The following DENND1C variants were observed in gnomAD, a reference collection of about 807,000 sequenced individuals.
DENND1C encodes DENN domain-containing protein 1C.
In DENND1C, 64 loss-of-function variants were observed where a neutral mutation model predicts 87.9. The observed-to-expected ratio is 0.73, with a 90% CI of 0.60 to 0.90. The LOEUF (loss-of-function observed/expected upper bound fraction) is 0.90, where lower values mean the gene tolerates loss of function less well. Ranked by LOEUF, DENND1C falls within the 40% of genes least tolerant of loss-of-function variation. DENND1C has a pLI of 0.00. For missense variants in DENND1C, 980 were observed against 1,037.0 expected (o/e 0.95, Z 0.76); for synonymous variants, 384 against 424.4 (o/e 0.90, Z 1.17).
In DENND1C at chr19:6,475,306, C is replaced by T. The variant is rs771452559; in HGVS notation, c.1021G>A (p.Gly341Arg). ...CAGACGAGTGCGTCGCGGTACCCCC[C>T]GAAGAGCAGGGCCTGGGCTTTGAGG... ...LFLKAQALLF[G>R]GYRDALVCSP... Residue 341 changes from glycine (G) to arginine (R), a missense_variant, in exon 14 of 23, where the codon GGG becomes AGG. Coordinates refer to ENST00000381480, the MANE Select transcript of DENND1C (RefSeq NM_024898.4). 6 of 1,613,420 alleles carry T rather than the reference C, an allele frequency of 3.7e-6. No homozygotes were observed. The highest frequency in any genetic ancestry group is 3.3e-5 in the Admixed American group (2 of 60,010).
At chr19:6,470,725 G>A (rs1185096441) in intron 17 of DENND1C, among the ~76,000 whole-genome samples, 6 of 145,762 alleles carry the variant, frequency 4.1e-5, no homozygotes, top group African/African-American at 1.3e-4. Context: ...TGGTTCAAGC[G>A]ATTCTCCTGC....
In DENND1C at chr19:6,475,363, G is replaced by T. The variant is rs1476449031; in HGVS notation, c.964C>A (p.Leu322Met). ...CGGGACACCCCTTCCCCGGGGGCCA[G>T]GGCGACCTTCCTGAGCCGGAGCCTC... ...LLRLRLRKVA[L>M]APGEGVSRLF... is the part of the protein sequence containing the mutation. Residue 322 changes from leucine (L) to methionine (M), a missense_variant, in exon 14 of 23, where the codon CTG becomes ATG. By Grantham distance (15) the Leu-to-Met change is conservative. Transcript: ENST00000381480. 6.2e-7 allele frequency: 1 copy of T among 1,612,350 alleles called. No homozygotes were observed. Among genetic ancestry groups the T allele is most frequent in the South Asian group, 1.1e-5 (1 of 91,000 alleles).
intron 6 of DENND1C, among the ~76,000 whole-genome samples, chr19:6,478,280 G>A (rs771022771): frequency 6.6e-6 from 1 of 152,128 alleles, no homozygotes; most frequent in Non-Finnish European, 1.5e-5. Context: ...TTTCGCTCCT[G>A]TTGCCCAAGC....
chr19:6,481,338 G>C (rs536015921), intron 1 of DENND1C, among the ~76,000 whole-genome samples: 14 of 152,088 alleles, frequency 9.2e-5, no homozygotes, highest in Non-Finnish European at 1.6e-4. Flanking sequence ...CCAACACCCA[G>C]CCTCCCCTCT....
intron 14 of DENND1C, 76 bp downstream of exon 14, chr19:6,475,198 T>C: frequency 6.3e-7 from 1 of 1,598,166 alleles, no homozygotes; most frequent in Non-Finnish European, 8.5e-7. Context: ...CGTCCGGCCA[T>C]CTACTGTACC....
chr19:6,471,173 T>C, intron 17 of DENND1C, 92 bp downstream of exon 17: 2 of 1,521,954 alleles, frequency 1.3e-6, no homozygotes, highest in Non-Finnish European at 1.8e-6. Flanking sequence ...CTCAAACTTC[T>C]GGTCGCAGCA....
intron 14 of DENND1C, among the ~76,000 whole-genome samples, 153 bp from the exon 15 acceptor site, chr19:6,473,146 TTTTG>T (rs201804228): frequency 3.9e-5 from 6 of 152,124 alleles, no homozygotes; most frequent in Non-Finnish European, 5.9e-5. Context: ...TTAAGCTGTT[TTTTG>T]TTTGTTTGTT....
chr19:6,469,100 C>T (rs1045820210), intron 19 of DENND1C, 147 bp from the exon 20 acceptor site: 48 of 476,408 alleles, frequency 1.0e-4, no homozygotes, highest in East Asian at 6.8e-4. Flanking sequence ...GGTGCCATCT[C>T]GGCTCACTGC....
At chr19:6,468,555 C>T (rs1040348141) in intron 21 of DENND1C, 23 bp downstream of exon 21, 2 of 1,551,670 alleles carry the variant, frequency 1.3e-6, no homozygotes, top group East Asian at 2.4e-5. Context: ...ACTTTCAACA[C>T]TGCTGTTCCC....
Position 6,472,833 on chromosome 19 carries a change from C to T in DENND1C, c.1158+56G>A, listed in dbSNP as rs552551758. On this transcript the variant is annotated intron_variant, in intron 15 of 22. Coordinates refer to ENST00000381480, the MANE Select transcript of DENND1C (RefSeq NM_024898.4). ...AACCCTGCCAGTTCAGACAAGCCCT[C>T]GGGGACTCAGCAGTCCACCTCCAGT... 1.5e-4 allele frequency: 208 copies of T among 1,382,504 alleles called. No homozygotes were observed. In the African/African-American group the frequency reaches 1.9e-3, roughly 12 times the overall value. 85.6% of individuals were successfully genotyped at this position (1,382,504 alleles called of 1,614,324 possible). A position where few individuals can be genotyped will look rare whatever the true frequency, so the allele number is the denominator to read the frequency against.
intron 6 of DENND1C, among the ~76,000 whole-genome samples, chr19:6,477,763 A>T (rs2092871589): frequency 6.8e-6 from 1 of 146,900 alleles, no homozygotes; most frequent in African/African-American, 2.5e-5. Context: ...AAATTTTTTA[A>T]TTTAAATTTT....
At position 6,470,097 on chromosome 19, in the gene DENND1C, A is replaced by G; in HGVS notation, c.1362+198T>C. The G allele has an allele frequency of 8.5e-6, 5 of 585,782 alleles. No homozygotes were observed. In the South Asian group the frequency reaches 1.3e-4, roughly 15 times the overall value. The allele number at this position is 585,782 out of a possible 1,614,324, so 36.3% of individuals were successfully genotyped here. A position where few individuals can be genotyped will look rare whatever the true frequency, so the allele number is the denominator to read the frequency against. On this transcript the variant is annotated intron_variant, in intron 18 of 22. Coordinates refer to ENST00000381480, the MANE Select transcript of DENND1C (RefSeq NM_024898.4). ...GGAGGGGGGCGGGTAGGATTCCAAC[A>G]AAAAATGAGTATAATAAATAAAAAA...
chr19:6,475,054 AAACAAACAAAC>A (rs1394108891), intron 14 of DENND1C, among the ~76,000 whole-genome samples: 6 of 152,012 alleles, frequency 3.9e-5, no homozygotes, highest in African/African-American at 1.4e-4. Context: ...ACAAACAAAC[AAACAAACAAAC>A]AACAACAACA....
chr19:6,468,973 C>G lies in DENND1C; in HGVS notation c.1408-20G>C. ...CCCATCCTAGGAAGAGAAGAGTGAA[C>G]TGGGAACCTCTGCCACAGAGTCTCC... On this transcript the variant is annotated intron_variant, in intron 19 of 22. Coordinates refer to ENST00000381480, the MANE Select transcript of DENND1C (RefSeq NM_024898.4). 2 of 1,340,752 alleles carry G rather than the reference C, an allele frequency of 1.5e-6. No homozygotes were observed. Among genetic ancestry groups the G allele is most frequent in the Non-Finnish European group, 1.9e-6 (2 of 1,036,436 alleles). The allele number at this position is 1,340,752 out of a possible 1,614,324, so 83.1% of individuals were successfully genotyped here.
Position 6,479,851 on chromosome 19 carries a change from C to T in DENND1C, c.126+8G>A. On this transcript the variant is annotated splice_region_variant and intron_variant, in intron 3 of 22. Coordinates refer to ENST00000381480, the MANE Select transcript of DENND1C (RefSeq NM_024898.4). ...CGCCCTGGGGGAGCAAGGAGCCAGC[C>T]TGAATACCTGGTCCCTGAAGTCTGG... 6.2e-7 allele frequency: 1 copy of T among 1,611,854 alleles called. No individual in the cohort carries two copies. Among genetic ancestry groups the T allele is most frequent in the Non-Finnish European group, 8.5e-7 (1 of 1,178,990 alleles).
At position 6,475,507 on chromosome 19, in the gene DENND1C, C is replaced by T. The variant is rs779599592; in HGVS notation, c.904G>A (p.Val302Met). 1.9e-6 allele frequency: 3 copies of T among 1,613,910 alleles called. No individual in the cohort carries two copies. Among genetic ancestry groups the T allele is most frequent in the East Asian group, 2.2e-5 (1 of 44,880 alleles). ...ACCACGTCTGGAGGCAGCGCCTGCACGTCGTTAAAGGTCGTCTCCAAGGTA... is the reference window on the plus strand; with the variant it reads ...ACCACGTCTGGAGGCAGCGCCTGCATGTCGTTAAAGGTCGTCTCCAAGGTA... ...ANTLETTFND[V>M]QALPPDVVSL... Residue 302 changes from valine to methionine, a missense_variant, in exon 13 of 23, where the codon GTG becomes ATG. Transcript: ENST00000381480.
Position 6,471,397 on chromosome 19 carries a change from A to C in DENND1C, c.1249+9T>G. ...AGTGGGGGACCCAGGGGCTGGACTC[A>C]GGGCTCACCTGAGGAGGCCCCGCAG... On this transcript the variant is annotated intron_variant, in intron 16 of 22. Coordinates refer to ENST00000381480, the MANE Select transcript of DENND1C (RefSeq NM_024898.4). The C allele has an allele frequency of 3.2e-6, 5 of 1,585,224 alleles. No homozygotes were observed. The highest frequency in any genetic ancestry group is 4.3e-6 in the Non-Finnish European group (5 of 1,166,004).
At chr19:6,468,693 G>T in intron 20 of DENND1C, 48 bp from the exon 21 acceptor site, 1 of 1,427,154 alleles carries the variant, frequency 7.0e-7, no homozygotes, top group East Asian at 2.5e-5. Context: ...CAGAATCGGG[G>T]GGCTGAGGCT....
intron 18 of DENND1C, 78 bp downstream of exon 18, chr19:6,470,217 T>A (rs2092819716): frequency 6.9e-7 from 1 of 1,442,692 alleles, no homozygotes; most frequent in East Asian, 2.5e-5. Flanking sequence ...AAATACTCCA[T>A]CCTTGGGAGG....
Sources: allele counts gnomAD v4.1 joint callset (sites outside exome capture counted in the v4.1 genomes callset), GRCh38; gene constraint gnomAD v4.1.1; transcripts MANE v1.5; gene names NCBI Gene and HGNC (gene_info 2026-07-23, HGNC 2026-07-21).